RASGRF2: variants seen among roughly 807,000 people sequenced by gnomAD.
RASGRF2 encodes ras-specific guanine nucleotide-releasing factor 2.
Under a neutral mutation model 151.0 loss-of-function variants are expected in RASGRF2, and 76 were observed. The observed-to-expected ratio is 0.50, with a 90% CI of 0.42 to 0.61. RASGRF2 has a LOEUF of 0.61. RASGRF2 is among the 20% of genes least tolerant of loss of function. The pLI is 0.00. For missense variants in RASGRF2, 1,148 were observed against 1,564.6 expected, an observed-to-expected ratio of 0.73 and a Z score of 4.49; for synonymous variants, 504 against 566.5, an observed-to-expected ratio of 0.89 and a Z score of 1.57.
intron 12 of RASGRF2, among the ~76,000 whole-genome samples, chr5:81,101,047 C>T (rs1199210384): frequency 1.3e-5 from 2 of 152,150 alleles, no homozygotes; most frequent in African/African-American, 2.4e-5. Context: ...TGTGAACATA[C>T]GTACTCCCAG....
At chr5:81,169,799 C>CCACCTGCAT (rs1269105857) in intron 17 of RASGRF2, among the ~76,000 whole-genome samples, 11 of 151,242 alleles carry the variant, frequency 7.3e-5, no homozygotes, top group African/African-American at 2.7e-4. Flanking sequence ...CAAACCTGCA[C>CCACCTGCAT]CACCTGCATC....
In RASGRF2 at chr5:81,189,464, G is replaced by GT. The variant is rs201743398; in HGVS notation, c.2793+9191dup. Among the ~76,000 whole-genome samples, 52 of 150,708 alleles carry GT rather than the reference G, an allele frequency of 3.5e-4. 1 individual carries two copies. The South Asian group carries it at 4.5e-3, about 13-fold the overall frequency. On this transcript the variant is annotated intron_variant, in intron 18 of 26. Transcript: ENST00000265080. ...TTCAGCCTTGCAAATGGTGTTTTAT[G>GT]TTTTTTTTGTTGTTTCTGTGTGTGT...
chr5:80,982,443 G>C (rs995655312), intron 1 of RASGRF2, among the ~76,000 whole-genome samples: 1 of 89,344 alleles, frequency 1.1e-5, no homozygotes, highest in African/African-American at 3.9e-5. Flanking sequence ...TTAACCTGTA[G>C]GAAGAAGGAA....
chr5:81,205,555 T>C (rs530481194), intron 19 of RASGRF2, among the ~76,000 whole-genome samples: 2 of 152,302 alleles, frequency 1.3e-5, no homozygotes, highest in East Asian at 3.9e-4. Flanking sequence ...ATATTATGTT[T>C]TTGAGGGTTG....
intron 12 of RASGRF2, among the ~76,000 whole-genome samples, chr5:81,105,053 C>T (rs184036223): frequency 9.2e-5 from 14 of 152,188 alleles, no homozygotes; most frequent in Admixed American, 3.9e-4. Flanking sequence ...TTTCAAAAAG[C>T]AAAAACTGCT....
At chr5:80,985,803 G>C (rs976607268) in intron 1 of RASGRF2, among the ~76,000 whole-genome samples, 7 of 152,244 alleles carry the variant, frequency 4.6e-5, no homozygotes, top group South Asian at 4.1e-4. Context: ...CCAGTTTGTG[G>C]AAAAATTGAA....
chr5:81,096,936 T>G (rs1413671116), intron 12 of RASGRF2, among the ~76,000 whole-genome samples: 1 of 145,966 alleles, frequency 6.9e-6, no homozygotes, highest in African/African-American at 2.6e-5. Flanking sequence ...AAGTTGTATC[T>G]GTTTTTTCTG....
At chr5:81,046,352 C>A (rs987480176) in intron 2 of RASGRF2, among the ~76,000 whole-genome samples, 2 of 151,970 alleles carry the variant, frequency 1.3e-5, no homozygotes, top group Non-Finnish European at 2.9e-5. Context: ...TCTGGGATGT[C>A]CCATTGCATG....
At chr5:81,156,827 A>G (rs1754270518) in intron 17 of RASGRF2, among the ~76,000 whole-genome samples, 1 of 152,164 alleles carries the variant, frequency 6.6e-6, no homozygotes, top group Admixed American at 6.5e-5. Context: ...TTTAAAATGC[A>G]ATAAGAAAAA....
At position 81,229,974 on chromosome 5, in the gene RASGRF2, T is replaced by C. The variant is rs1177604121; in HGVS notation, c.*4204T>C. 2 of 152,190 alleles carry C rather than the reference T, an allele frequency of 1.3e-5. No homozygotes were observed. The highest frequency in any genetic ancestry group is 2.9e-5 in the Non-Finnish European group (2 of 68,022). The allele number at this position is 152,190 out of a possible 1,614,324, so 9.4% of individuals were successfully genotyped here. ...AGGATTTCAATGTATTTCTTTATCA[T>C]TTGAGTGTGTGTGTGATGGACGAAT... is the stretch of plus-strand genomic sequence containing the variant. On this transcript the variant is annotated 3_prime_UTR_variant, in exon 27 of 27. Transcript: ENST00000265080.
chr5:80,996,307 T>TTCTC (rs199544798), intron 1 of RASGRF2, among the ~76,000 whole-genome samples: 3 of 151,050 alleles, frequency 2.0e-5, no homozygotes, highest in East Asian at 1.9e-4. Context: ...TATTTTGCTA[T>TTCTC]TCTCTCTCTC....
At chr5:80,974,894 G>T (rs1321914046) in intron 1 of RASGRF2, among the ~76,000 whole-genome samples, 3 of 151,990 alleles carry the variant, frequency 2.0e-5, no homozygotes, top group African/African-American at 7.3e-5. Context: ...ATTTACTTTT[G>T]CTTTCTTGCA....
chr5:81,026,158 CCCTCTCTT>C (rs1246846140), intron 1 of RASGRF2, among the ~76,000 whole-genome samples: 9 of 106,406 alleles, frequency 8.5e-5, no homozygotes, highest in Admixed American at 6.9e-4. Flanking sequence ...CTTCCTCCCT[CCCTCTCTT>C]CCTCCCTTCC....
At chr5:80,982,580 C>CTAT (rs10634471) in intron 1 of RASGRF2, among the ~76,000 whole-genome samples, 8,345 of 135,074 alleles carry the variant, frequency 0.062, 407 homozygotes, top group Admixed American at 0.15. Context: ...AAATTTGGTT[C>CTAT]TATTATTATT....
At chr5:81,042,825 T>C (rs1164485044) in intron 1 of RASGRF2, 52 bp from the exon 2 acceptor site, 5 of 1,272,924 alleles carry the variant, frequency 3.9e-6, no homozygotes, top group Non-Finnish European at 5.6e-6. Context: ...GTTATTATGC[T>C]GTTGTGCTTG....
chr5:81,143,717 C>T (rs1302520759), intron 17 of RASGRF2, among the ~76,000 whole-genome samples: 2 of 151,580 alleles, frequency 1.3e-5, no homozygotes, highest in East Asian at 1.9e-4. Flanking sequence ...TGGTGAAATC[C>T]CATCTCTACT....
intron 1 of RASGRF2, among the ~76,000 whole-genome samples, chr5:81,034,607 T>G (rs907875551): frequency 2.6e-5 from 4 of 151,726 alleles, no homozygotes; most frequent in African/African-American, 9.7e-5. Context: ...CACCATGGAA[T>G]ACTATGCAGC....
At chr5:81,203,315 A>G (rs1338474269) in intron 19 of RASGRF2, among the ~76,000 whole-genome samples, 1 of 152,326 alleles carries the variant, frequency 6.6e-6, no homozygotes, top group South Asian at 2.1e-4. Context: ...AGGCTGGGAA[A>G]AACTGTCAGG....
At chr5:81,073,481 T>A (rs375031716) in intron 5 of RASGRF2, 29 bp downstream of exon 5, 14 of 1,588,130 alleles carry the variant, frequency 8.8e-6, no homozygotes, top group African/African-American at 1.4e-5. Context: ...CAAAGAGTTA[T>A]GAGAAAAACC....
Sources: gnomAD v4.1 joint callset for allele counts (sites outside exome capture counted in the v4.1 genomes callset) on GRCh38, gnomAD v4.1.1 for gene constraint, MANE v1.5 for transcripts, NCBI Gene and HGNC (gene_info 2026-07-23, HGNC 2026-07-21) for gene names.